Variants in AJUBA observed in about 807,000 individuals in gnomAD.
AJUBA encodes LIM domain-containing protein ajuba.
In AJUBA, 20 loss-of-function variants were observed where a neutral mutation model predicts 53.3. That is an observed-to-expected ratio of 0.38 (90% CI 0.26 to 0.55). The LOEUF is 0.55. Among genes scored for constraint, AJUBA ranks in the 20% least tolerant of loss-of-function variants. The pLI is 0.80. For missense variants in AJUBA, 580 were observed against 730.5 expected (o/e 0.79, Z 2.38); for synonymous variants, 296 against 306.2 (o/e 0.97, Z 0.35).
intron 2 of AJUBA, among the ~76,000 whole-genome samples, 199 bp downstream of exon 2, chr14:22,978,145 G>A (rs1055826459): frequency 4.6e-5 from 7 of 152,138 alleles, no homozygotes; most frequent in Non-Finnish European, 4.4e-5. Context: ...CCCACCAGGC[G>A]GAGGGAGAGC....
intron 6 of AJUBA, 170 bp downstream of exon 6, chr14:22,974,669 G>A (rs537078145): frequency 4.3e-5 from 30 of 704,070 alleles, no homozygotes; most frequent in East Asian, 2.2e-4. Context: ...GTCCAGGCCC[G>A]GATATTAGGG....
Position 22,973,495 on chromosome 14 carries a change from C to T in AJUBA, c.1565G>A (p.Gly522Asp). Residue 522 changes from glycine (G) to aspartate (D), a missense_variant, in exon 8 of 8, where the codon GGT becomes GAT. By Grantham distance (94) the Gly-to-Asp change is moderately conservative. This residue lies in a region of AJUBA where 150 missense variants were observed against 259.0 expected (regional missense o/e 0.58). Coordinates refer to ENST00000262713, the MANE Select transcript of AJUBA (RefSeq NM_032876.6). ...FPLDGHLLCH[G>D]CHMQRLNARQ... ...GGCATTGAGCCGCTGCATGTGGCAA[C>T]CATGGCAGAGCAAGTGCCCATCCAG... The T allele has an allele frequency of 6.2e-7, 1 of 1,614,102 alleles. No individual in the cohort carries two copies. Among genetic ancestry groups the T allele is most frequent in the Non-Finnish European group, 8.5e-7 (1 of 1,180,004 alleles).
chr14:22,980,819 C>T, intron 1 of AJUBA: 1 of 286,416 alleles, frequency 3.5e-6, no homozygotes, highest in Non-Finnish European at 5.2e-6. Context: ...GGCCAGCCTG[C>T]CCCGCCCCCC....
At chr14:22,975,235 G>T in intron 4 of AJUBA, 131 bp from the exon 5 acceptor site, 1 of 1,302,418 alleles carries the variant, frequency 7.7e-7, no homozygotes, top group Non-Finnish European at 1.0e-6. Context: ...GCTATGTAAT[G>T]TCGGTGAAGA....
Position 22,974,881 on chromosome 14 carries a change from A to G in AJUBA, c.1380T>C (p.Ala460=). The G allele has an allele frequency of 6.2e-7, 1 of 1,613,668 alleles. No homozygotes were observed. The highest frequency in any genetic ancestry group is 8.5e-7 in the Non-Finnish European group (1 of 1,179,924). The change falls in exon 6 of 8, where the codon GCT becomes GCC. Residue 460 remains alanine, a synonymous_variant. Coordinates refer to ENST00000262713, the MANE Select transcript of AJUBA (RefSeq NM_032876.6). ...GTTGGCCACAGGCTGCACACTTAGG[A>G]GCATAATTTCTGAAAGAGAGAGGGA... ...YCVTDYHKNY[A]PKCAACGQPI... is the part of the protein sequence containing the mutation.
In AJUBA at chr14:22,981,996, C is replaced by T. The variant is rs370086073; in HGVS notation, c.271G>A (p.Ala91Thr). ...EAPRYEGSFP[A>T]GPPPTRALPL... Reference sequence around the variant, plus strand: ...AAGGCCCGGGTGGGCGGCGGCCCCGCGGGAAAAGAGCCTTCGTAGCGCGGC... The same window carrying T: ...AAGGCCCGGGTGGGCGGCGGCCCCGTGGGAAAAGAGCCTTCGTAGCGCGGC... Residue 91 changes from alanine to threonine, a missense_variant, in exon 1 of 8, where the codon GCG (alanine) becomes ACG (threonine). By Grantham distance (58) the Ala-to-Thr change is moderately conservative. This residue lies in a region of AJUBA where 430 missense variants were observed against 471.5 expected (regional missense o/e 0.91). Coordinates refer to ENST00000262713, the MANE Select transcript of AJUBA (RefSeq NM_032876.6). 90 of 1,581,726 alleles carry T rather than the reference C, an allele frequency of 5.7e-5. No individual in the cohort carries two copies. Among genetic ancestry groups the T allele is most frequent in the Non-Finnish European group, 7.4e-5 (87 of 1,169,460 alleles).
Position 22,976,524 on chromosome 14 carries a change from G to A in AJUBA, c.1177-6C>T. 1 of 1,614,120 alleles carries A rather than the reference G, an allele frequency of 6.2e-7. No individual in the cohort carries two copies. The highest frequency in any genetic ancestry group is 2.2e-5 in the East Asian group (1 of 44,884). On this transcript the variant is annotated splice_polypyrimidine_tract_variant and splice_region_variant and intron_variant, in intron 3 of 7. Transcript: ENST00000262713. ...GCCTCCTGAAACCCTGAAAACTAAA[G>A]TAAAAGACAAGACGAACGGAGGCTG...
In AJUBA at chr14:22,982,065, C is replaced by G. The variant is rs1345235385; in HGVS notation, c.202G>C (p.Gly68Arg). The G allele has an allele frequency of 1.3e-6, 2 of 1,593,362 alleles. No individual in the cohort carries two copies. Among genetic ancestry groups the G allele is most frequent in the Non-Finnish European group, 1.7e-6 (2 of 1,173,434 alleles). Residue 68 changes from glycine to arginine, a missense_variant, in exon 1 of 8, where the codon GGT becomes CGT. Gly to Arg is a moderately radical substitution (Grantham distance 125, BLOSUM62 -2). Around this residue, in one of 2 missense-constraint regions of AJUBA, gnomAD observed 430 missense variants for 471.5 expected, o/e 0.91. Transcript: ENST00000262713. Reference sequence around the variant, plus strand: ...TGATTTCGCTCAGCGTCCAGGGAACCTTGCTCCCGGGCCGGCTCCAACGGC... The same window carrying G: ...TGATTTCGCTCAGCGTCCAGGGAACGTTGCTCCCGGGCCGGCTCCAACGGC... Reference protein sequence around the residue: ...DEPLEPAREQGSLDAERNQRG... With the variant: ...DEPLEPAREQRSLDAERNQRG...
In AJUBA at chr14:22,974,830, C is replaced by T. The variant is rs1468074145; in HGVS notation, c.1422+9G>A. 3 of 1,610,842 alleles carry T rather than the reference C, an allele frequency of 1.9e-6. No individual in the cohort carries two copies. The highest frequency in any genetic ancestry group is 2.2e-5 in the East Asian group (1 of 44,886). ...TGGCTGCCCTGAAGGAGAACCCAGA[C>T]ATACTGACCTCAGAGGGGAGGATGG... On this transcript the variant is annotated intron_variant, in intron 6 of 7. Transcript: ENST00000262713.
intron 6 of AJUBA, 188 bp downstream of exon 6, chr14:22,974,651 T>C: frequency 1.6e-6 from 1 of 628,436 alleles, no homozygotes; most frequent in Non-Finnish European, 2.7e-6. Flanking sequence ...AGTTAGGCTT[T>C]CAGACATGTC....
At position 22,971,387 on chromosome 14, in the gene AJUBA, A is replaced by T. The variant is rs2044982227; in HGVS notation, c.*2056T>A. ...ATGTATTTCCCAGGTTGGCTGGCAT[A>T]GTCACCTTAGAATAGCCCCCAAATG... On this transcript the variant is annotated 3_prime_UTR_variant, in exon 8 of 8. Transcript: ENST00000262713. 6.6e-6 allele frequency: 1 copy of T among 152,204 alleles called. No individual in the cohort carries two copies. The allele number at this position is 152,204 out of a possible 1,614,324, so 9.4% of individuals were successfully genotyped here.
chr14:22,976,437 C>A lies in AJUBA; in HGVS notation c.1239+19G>T. On this transcript the variant is annotated intron_variant, in intron 4 of 7. Transcript: ENST00000262713. ...TCAGCCTCACAGTGAGACTTCTCAG[C>A]TGAAAGCACTTTACTTACCTTCTCC... The A allele has an allele frequency of 6.8e-6, 11 of 1,613,676 alleles. No individual in the cohort carries two copies. The highest frequency in any genetic ancestry group is 9.3e-6 in the Non-Finnish European group (11 of 1,179,578).
intron 4 of AJUBA, chr14:22,975,322 A>C (rs899748746): frequency 1.6e-5 from 9 of 545,750 alleles, no homozygotes; most frequent in Admixed American, 1.4e-4. Flanking sequence ...CTCTGGCTGC[A>C]TATCAGGATC....
At position 22,973,222 on chromosome 14, in the gene AJUBA, T is replaced by C. The variant is rs1027744188; in HGVS notation, c.*221A>G. The C allele has an allele frequency of 4.8e-6, 3 of 630,420 alleles. No individual in the cohort carries two copies. The highest frequency in any genetic ancestry group is 3.0e-5 in the East Asian group (1 of 33,040). 39.1% of individuals were successfully genotyped at this position (630,420 alleles called of 1,614,324 possible). On this transcript the variant is annotated 3_prime_UTR_variant, in exon 8 of 8. Coordinates refer to ENST00000262713, the MANE Select transcript of AJUBA (RefSeq NM_032876.6). ...TGTGCCTAAGCTCAGACTGCACACA[T>C]GGGAAAAAGGCCAGTCGCCCCCACC... is the stretch of plus-strand genomic sequence containing the variant.
At chr14:22,980,842 C>T (rs1213893404) in intron 1 of AJUBA, among the ~76,000 whole-genome samples, 3 of 151,936 alleles carry the variant, frequency 2.0e-5, no homozygotes, top group African/African-American at 7.2e-5. Context: ...CCCGCGCATT[C>T]TCCGAATTCC....
chr14:22,971,621 T>C lies in AJUBA; in HGVS notation c.*1822A>G, dbSNP rs1047592773. The C allele has an allele frequency of 6.6e-6, 1 of 152,266 alleles. No individual in the cohort carries two copies. Among genetic ancestry groups the C allele is most frequent in the South Asian group, 2.1e-4 (1 of 4,834 alleles). 9.4% of individuals were successfully genotyped at this position (152,266 alleles called of 1,614,324 possible). A position where few individuals can be genotyped will look rare whatever the true frequency, so the allele number is the denominator to read the frequency against. Reference sequence around the variant, plus strand: ...CTTTTAGTTATTACTGTTGTCTGTATAACTTTTCATTGTAAGTCAACTGAA... The same window carrying C: ...CTTTTAGTTATTACTGTTGTCTGTACAACTTTTCATTGTAAGTCAACTGAA... On this transcript the variant is annotated 3_prime_UTR_variant, in exon 8 of 8. Transcript: ENST00000262713.
At position 22,981,571 on chromosome 14, in the gene AJUBA, G is replaced by A; in HGVS notation, c.696C>T (p.Pro232=). The A allele has an allele frequency of 2.5e-6, 4 of 1,569,188 alleles. 1 individual carries two copies. The Middle Eastern group carries it at 5.0e-4, about 196-fold the overall frequency. The change falls in exon 1 of 8, where the codon CCC becomes CCT. Residue 232 remains proline, a synonymous_variant. Coordinates refer to ENST00000262713, the MANE Select transcript of AJUBA (RefSeq NM_032876.6). ...GAGCTCCAGGGCTGCCCAGGGCCGG[G>A]GGATACGAGTGGCGGCTTTCCTGGC... ...FGCQESRHSY[P]PALGSPGALA...
intron 1 of AJUBA, among the ~76,000 whole-genome samples, chr14:22,980,885 G>C (rs2045082642): frequency 1.3e-5 from 2 of 152,064 alleles, no homozygotes; most frequent in Non-Finnish European, 2.9e-5. Context: ...GTGGGGGCGC[G>C]GCGCGCACAA....
In AJUBA at chr14:22,973,434, G is replaced by A; in HGVS notation, c.*9C>T. 1 of 1,604,292 alleles carries A rather than the reference G, an allele frequency of 6.2e-7. No homozygotes were observed. The highest frequency in any genetic ancestry group is 8.5e-7 in the Non-Finnish European group (1 of 1,175,382). On this transcript the variant is annotated 3_prime_UTR_variant, in exon 8 of 8. Coordinates refer to ENST00000262713, the MANE Select transcript of AJUBA (RefSeq NM_032876.6). ...TCTGCAGGGTGACAGCAGCAGCAGTGATTGCAGCTCAGATATAGTTGGCAG... is the reference window on the plus strand; with the variant it reads ...TCTGCAGGGTGACAGCAGCAGCAGTAATTGCAGCTCAGATATAGTTGGCAG...
Sources: allele counts gnomAD v4.1 joint callset (sites outside exome capture counted in the v4.1 genomes callset), GRCh38; gene constraint gnomAD v4.1.1; regional missense constraint gnomAD v4.1.1; transcripts MANE v1.5; gene names NCBI Gene and HGNC (gene_info 2026-07-23, HGNC 2026-07-21).